Variants in ZNF292 observed in about 807,000 individuals in gnomAD.
ZNF292 encodes zinc finger protein 292, also known as 16 zinc-finger domain protein.
ZNF292 carries 26 observed loss-of-function variants against 217.9 expected under a neutral mutation model. The observed-to-expected ratio is 0.12, with a 90% CI of 0.09 to 0.17. The LOEUF (loss-of-function observed/expected upper bound fraction) is 0.17. ZNF292 is among the 10% of genes least tolerant of loss of function. The pLI is 1.00. For synonymous variants in ZNF292, 1,257 were observed against 1,124.1 expected (o/e 1.12, Z -2.37); for missense variants, 2,904 against 3,175.2 (o/e 0.91, Z 2.05).
At chr6:87,177,510 T>C (rs957150177) in intron 1 of ZNF292, among the ~76,000 whole-genome samples, 2 of 152,186 alleles carry the variant, frequency 1.3e-5, no homozygotes, top group Non-Finnish European at 2.9e-5. Flanking sequence ...TTAACAAATA[T>C]TTGTTTTTTC....
At chr6:87,162,520 A>C (rs1043070762) in intron 1 of ZNF292, among the ~76,000 whole-genome samples, 7 of 152,250 alleles carry the variant, frequency 4.6e-5, no homozygotes, top group Non-Finnish European at 8.8e-5. Flanking sequence ...TTGAGGGAGC[A>C]ATAAGTCATT....
chr6:87,185,249 CAA>C (rs1771609428), intron 1 of ZNF292, among the ~76,000 whole-genome samples: 1 of 152,086 alleles, frequency 6.6e-6, no homozygotes, highest in Admixed American at 6.6e-5. Context: ...TTGTACAACC[CAA>C]AAATGTGCTA....
intron 1 of ZNF292, among the ~76,000 whole-genome samples, chr6:87,182,539 G>T (rs1490821977): frequency 6.6e-6 from 1 of 152,160 alleles, no homozygotes; most frequent in East Asian, 1.9e-4. Context: ...GAACTATTGT[G>T]ACTAATTTAT....
chr6:87,216,145 AC>A (rs1772759335), intron 2 of ZNF292, 88 bp downstream of exon 2: 1 of 1,088,658 alleles, frequency 9.2e-7, no homozygotes, highest in African/African-American at 1.9e-5. Flanking sequence ...ACACACACAC[AC>A]ACACACACAC....
At chr6:87,225,200 T>C (rs1003162787) in intron 4 of ZNF292, among the ~76,000 whole-genome samples, 7 of 152,202 alleles carry the variant, frequency 4.6e-5, no homozygotes, top group African/African-American at 1.2e-4. Flanking sequence ...TATTTCTTAA[T>C]TGGGTTGTTT....
At chr6:87,209,771 A>G (rs181357499) in intron 1 of ZNF292, among the ~76,000 whole-genome samples, 5 of 152,306 alleles carry the variant, frequency 3.3e-5, no homozygotes, top group African/African-American at 1.2e-4. Flanking sequence ...AAACTTGTTT[A>G]TAAGTAAGTA....
Position 87,261,241 on chromosome 6 carries a change from A to C in ZNF292, c.7612A>C (p.Asn2538His), listed in dbSNP as rs1562196139. The change falls in exon 8 of 8, where the codon AAT (asparagine) becomes CAT (histidine). Residue 2538 changes from asparagine to histidine, a missense_variant. Asn to His is a moderately conservative substitution (Grantham distance 68, BLOSUM62 1). Transcript: ENST00000369577. ...TTTGAAGAGAGTTAATAAGGAAAAA[A>C]ATGTCTCACAAAATAAAAAAAGGAA... The part of the protein sequence containing the change: ...SNLKRVNKEK[N>H]VSQNKKRKVE... The C allele has an allele frequency of 6.2e-7, 1 of 1,610,406 alleles. No individual in the cohort carries two copies. The highest frequency in any genetic ancestry group is 8.5e-7 in the Non-Finnish European group (1 of 1,178,950).
chr6:87,247,153 CAG>C (rs1027234981), intron 7 of ZNF292, among the ~76,000 whole-genome samples: 32 of 146,228 alleles, frequency 2.2e-4, no homozygotes, highest in African/African-American at 8.3e-4. Flanking sequence ...GCCTGGGAAA[CAG>C]AGTGAGACTT....
intron 7 of ZNF292, among the ~76,000 whole-genome samples, chr6:87,253,242 TGAGACAGGGTCTCAC>T (rs1562178517): frequency 1.4e-3 from 195 of 134,660 alleles, no homozygotes; most frequent in Middle Eastern, 3.8e-3. Context: ...TTTTTTTTTT[TGAGACAGGGTCTCAC>T]TTTTGTCATG....
chr6:87,238,688 T>C (rs1774027813), intron 5 of ZNF292, among the ~76,000 whole-genome samples: 1 of 147,344 alleles, frequency 6.8e-6, no homozygotes, highest in Non-Finnish European at 1.5e-5. Flanking sequence ...TTGATTTATA[T>C]ATTTTTTTTT....
At chr6:87,233,302 C>G (rs376870256) in intron 4 of ZNF292, 23 bp from the exon 5 acceptor site, 461 of 1,513,506 alleles carry the variant, frequency 3.0e-4, no homozygotes, top group Non-Finnish European at 3.9e-4. Flanking sequence ...TGTTAATAAT[C>G]TATTATGTCT....
intron 7 of ZNF292, among the ~76,000 whole-genome samples, chr6:87,247,401 G>T (rs1307067441): frequency 6.6e-6 from 1 of 152,146 alleles, no homozygotes; most frequent in Non-Finnish European, 1.5e-5. Flanking sequence ...AACACATATG[G>T]ATGGTAGGGA....
intron 4 of ZNF292, among the ~76,000 whole-genome samples, chr6:87,230,993 G>A (rs1773622699): frequency 1.3e-5 from 2 of 152,224 alleles, no homozygotes; most frequent in East Asian, 3.9e-4. Context: ...GCAGACTAGG[G>A]AGTGAAATTT....
At chr6:87,203,586 A>G (rs559832538) in intron 1 of ZNF292, among the ~76,000 whole-genome samples, 3 of 149,766 alleles carry the variant, frequency 2.0e-5, no homozygotes, top group African/African-American at 5.0e-5. Flanking sequence ...AAAGCAAGGT[A>G]TGTATCTGCA....
Position 87,182,670 on chromosome 6 carries a change from T to A in ZNF292, c.168+26911T>A, listed in dbSNP as rs150610896. On this transcript the variant is annotated intron_variant, in intron 1 of 7. Coordinates refer to ENST00000369577, the MANE Select transcript of ZNF292 (RefSeq NM_015021.3). ...TGTAAAATAGTTGGTGATGATATGTTTCTAGAAATTGAAGGAGGAAAGAAT... is the reference window on the plus strand; with the variant it reads ...TGTAAAATAGTTGGTGATGATATGTATCTAGAAATTGAAGGAGGAAAGAAT... 8.9e-4 allele frequency among the ~76,000 whole-genome samples: 136 copies of A among 152,320 alleles called. No individual in the cohort carries two copies. In the East Asian group the frequency reaches 0.022, roughly 25 times the overall value.
intron 4 of ZNF292, among the ~76,000 whole-genome samples, chr6:87,226,639 C>G (rs924432786): frequency 3.5e-5 from 4 of 114,208 alleles, no homozygotes; most frequent in African/African-American, 1.6e-4. Context: ...GTATATATAT[C>G]TATATATCTA....
intron 1 of ZNF292, among the ~76,000 whole-genome samples, chr6:87,200,636 C>T (rs1772076439): frequency 6.6e-6 from 1 of 152,098 alleles, no homozygotes; most frequent in African/African-American, 2.4e-5. Flanking sequence ...AATTATGGGC[C>T]ACACCATGTC....
intron 1 of ZNF292, among the ~76,000 whole-genome samples, chr6:87,160,642 G>GGTGTGTGT (rs141577588): frequency 6.7e-6 from 1 of 148,668 alleles, no homozygotes; most frequent in African/African-American, 2.5e-5. Context: ...ACATGTATAC[G>GGTGTGTGT]GTGTGTGTGT....
chr6:87,188,456 CT>C (rs1312781406), intron 1 of ZNF292, among the ~76,000 whole-genome samples: 1 of 152,050 alleles, frequency 6.6e-6, no homozygotes, highest in Non-Finnish European at 1.5e-5. Context: ...TTAATTTATC[CT>C]GAGATCTCAG....
Sources: allele counts gnomAD v4.1 joint callset (sites outside exome capture counted in the v4.1 genomes callset), GRCh38; gene constraint gnomAD v4.1.1; transcripts MANE v1.5; gene names NCBI Gene and HGNC (gene_info 2026-07-23, HGNC 2026-07-21).